Variants in SPATA7 observed in about 807,000 individuals in gnomAD.
The protein encoded by SPATA7 is spermatogenesis associated 7, also known as spermatogenesis-associated protein 7.
A neutral mutation model predicts 51.8 loss-of-function variants in SPATA7; 43 were observed. The observed-to-expected ratio is 0.83, with a 90% CI of 0.65 to 1.07. The LOEUF is 1.07. SPATA7 is among the 50% of genes least tolerant of loss of function. SPATA7 has a pLI of 0.00. For missense variants in SPATA7, 683 were observed against 701.3 expected, an observed-to-expected ratio of 0.97 and a Z score of 0.30; for synonymous variants, 230 against 252.8, an observed-to-expected ratio of 0.91 and a Z score of 0.86.
At chr14:88,461,730 C>G (rs369474227) in intron 4 of SPATA7, among the ~76,000 whole-genome samples, 1 of 151,016 alleles carries the variant, frequency 6.6e-6, no homozygotes, top group Non-Finnish European at 1.5e-5. Flanking sequence ...CCCCACTGTC[C>G]GACAAGCCCC....
chr14:88,411,852 G>C (rs1203291970), intron 4 of SPATA7, among the ~76,000 whole-genome samples: 4 of 150,648 alleles, frequency 2.7e-5, no homozygotes, highest in East Asian at 1.9e-4. Flanking sequence ...TGATTTTTTG[G>C]GGGGGGTTTA....
chr14:88,463,771 T>G (rs2077332503), intron 4 of SPATA7, among the ~76,000 whole-genome samples: 1 of 152,138 alleles, frequency 6.6e-6, no homozygotes. Flanking sequence ...ACTTCAAATG[T>G]TTTCTAAAAC....
At chr14:88,421,056 A>G (rs1012211483) in intron 5 of SPATA7, among the ~76,000 whole-genome samples, 6 of 152,048 alleles carry the variant, frequency 3.9e-5, no homozygotes, top group African/African-American at 1.2e-4. Context: ...GGAGGTCTCA[A>G]TGAGCTGAGT....
chr14:88,399,498 A>G (rs1338607406), intron 4 of SPATA7, among the ~76,000 whole-genome samples: 2 of 152,214 alleles, frequency 1.3e-5, no homozygotes, highest in African/African-American at 4.8e-5. Flanking sequence ...TGGGCAAGTC[A>G]TTTTACCTCT....
chr14:88,467,886 C>G (rs958974664), intron 4 of SPATA7: 1 of 522,080 alleles, frequency 1.9e-6, no homozygotes, highest in East Asian at 3.7e-5. Context: ...TACTGCAAAC[C>G]GGACAGACCG....
chr14:88,396,322 A>G lies in SPATA7; in HGVS notation c.238+119A>G, dbSNP rs971502374. ...CCAGTTCAATATTAAGTACATTAAT[A>G]TTGTGGTACAATGATAACTACTACC... On this transcript the variant is annotated intron_variant, in intron 4 of 11. Transcript: ENST00000393545. 3.5e-5 allele frequency: 25 copies of G among 712,928 alleles called. No individual in the cohort carries two copies. The East Asian group carries it at 6.6e-4, about 19-fold the overall frequency. 44.2% of individuals were successfully genotyped at this position (712,928 alleles called of 1,614,324 possible). A position where few individuals can be genotyped will look rare whatever the true frequency, so the allele number is the denominator to read the frequency against.
At chr14:88,442,939 AATTTT>A (rs1486333027), downstream of SPATA7, among the ~76,000 whole-genome samples, 1 of 114,054 alleles carries the variant, frequency 8.8e-6, no homozygotes, top group East Asian at 3.3e-4. Flanking sequence ...TTTTGTTAGT[AATTTT>A]TTTTTTTTTT....
At chr14:88,431,693 A>C (rs1267942190) in intron 9 of SPATA7, among the ~76,000 whole-genome samples, 3 of 152,170 alleles carry the variant, frequency 2.0e-5, no homozygotes, top group Non-Finnish European at 4.4e-5. Flanking sequence ...GCTTCCACAT[A>C]TGAGTGAGAA....
chr14:88,397,721 A>T (rs576900046), intron 4 of SPATA7, among the ~76,000 whole-genome samples: 1 of 152,232 alleles, frequency 6.6e-6, no homozygotes, highest in African/African-American at 2.4e-5. Context: ...CTACCCTTTG[A>T]CCAGGTTATC....
At chr14:88,457,786 G>A (rs2077293881), downstream of SPATA7, among the ~76,000 whole-genome samples, 2 of 152,128 alleles carry the variant, frequency 1.3e-5, no homozygotes, top group South Asian at 4.2e-4. Flanking sequence ...GGTGAGAGAG[G>A]GCATCTTTGT....
rs372509077 is a variant in SPATA7 at position 88,426,376 on chromosome 14, G to A, written c.517G>A (p.Glu173Lys). ...CAGTAAAGTCATCACAAATGGTCCT[G>A]AGAAGAACTCCAGTTCCTCCCCGTC... Reference protein sequence around the residue: ...KSSKVITNGPEKNSSSSPSSV... With the variant: ...KSSKVITNGPKKNSSSSPSSV... The change falls in exon 6 of 12, where the codon GAG becomes AAG. Residue 173 changes from glutamate (E) to lysine (K), a missense_variant. Transcript: ENST00000393545. The A allele has an allele frequency of 1.2e-6, 2 of 1,614,178 alleles. No individual in the cohort carries two copies. Among genetic ancestry groups the A allele is most frequent in the Non-Finnish European group, 8.5e-7 (1 of 1,180,024 alleles).
chr14:88,465,590 A>G (rs1398931569), intron 4 of SPATA7, among the ~76,000 whole-genome samples: 2 of 152,226 alleles, frequency 1.3e-5, no homozygotes, highest in South Asian at 2.1e-4. Flanking sequence ...GATCAGTGGA[A>G]AACAGTGGTT....
At chr14:88,464,679 G>T (rs375599907) in intron 4 of SPATA7, among the ~76,000 whole-genome samples, 4 of 152,020 alleles carry the variant, frequency 2.6e-5, no homozygotes, top group African/African-American at 9.7e-5. Context: ...TCAGTAAGCC[G>T]AGATCGTGCC....
intron 4 of SPATA7, among the ~76,000 whole-genome samples, chr14:88,397,299 A>C (rs986258000): frequency 1.3e-5 from 2 of 152,176 alleles, no homozygotes; most frequent in Admixed American, 1.3e-4. Context: ...CTATTTGTTT[A>C]ATAGTAGCCA....
At chr14:88,463,697 A>C (rs2077332053) in intron 4 of SPATA7, among the ~76,000 whole-genome samples, 1 of 152,090 alleles carries the variant, frequency 6.6e-6, no homozygotes, top group Admixed American at 6.6e-5. Context: ...TTTAGAGCAT[A>C]TTTTTTATTT....
chr14:88,438,662 G>A (rs2077156603), downstream of SPATA7, among the ~76,000 whole-genome samples: 2 of 152,196 alleles, frequency 1.3e-5, no homozygotes, highest in South Asian at 4.1e-4. Context: ...CCACAATCAA[G>A]GCAGTGGCTG....
intron 1 of SPATA7, among the ~76,000 whole-genome samples, chr14:88,389,362 C>A (rs559018890): frequency 3.4e-4 from 51 of 151,656 alleles, no homozygotes; most frequent in African/African-American, 1.1e-3. Context: ...CACCACCACA[C>A]CCAGCTAATT....
intron 5 of SPATA7, among the ~76,000 whole-genome samples, chr14:88,417,156 C>T (rs967632686): frequency 2.2e-4 from 33 of 151,462 alleles, no homozygotes; most frequent in Non-Finnish European, 3.7e-4. Context: ...GTGATACCTT[C>T]GAACATCTGG....
chr14:88,452,723 T>C lies in SPATA7; in HGVS notation c.178-2337T>C, dbSNP rs578016250. ...ATCTTCCCTCCAGTATACCCCCTGCTGCTAGTATTTTTAAACAAACCATGC... is the reference window on the plus strand; with the variant it reads ...ATCTTCCCTCCAGTATACCCCCTGCCGCTAGTATTTTTAAACAAACCATGC... On this transcript the variant is annotated intron_variant, in intron 3 of 3. Transcript: ENST00000554802. 4.6e-5 allele frequency among the ~76,000 whole-genome samples: 7 copies of C among 152,312 alleles called. No individual in the cohort carries two copies. In the East Asian group the frequency reaches 1.4e-3, roughly 29 times the overall value.
Sources: allele counts gnomAD v4.1 joint callset (sites outside exome capture counted in the v4.1 genomes callset), GRCh38; gene constraint gnomAD v4.1.1; transcripts MANE v1.5; gene names NCBI Gene and HGNC (gene_info 2026-07-23, HGNC 2026-07-21).